PRKCG: variants seen among roughly 807,000 people sequenced by gnomAD.
PRKCG encodes protein kinase C gamma type.
In PRKCG, 28 loss-of-function variants were observed where a neutral mutation model predicts 82.0. That is an observed-to-expected ratio of 0.34 (90% CI 0.25 to 0.47). The LOEUF (loss-of-function observed/expected upper bound fraction) is 0.47. Ranked by LOEUF, PRKCG falls within the 20% of genes least tolerant of loss-of-function variation. The probability of loss-of-function intolerance (pLI) is 1.00; values close to 1 mark genes in which losing one functional copy is unlikely to be tolerated. For synonymous variants in PRKCG, 383 were observed against 376.6 expected (o/e 1.02, Z -0.20); for missense variants, 640 against 952.7 (o/e 0.67, Z 4.32).
Position 53,884,136 on chromosome 19 carries a change from G to A in PRKCG, c.203-25G>A. 1.2e-6 allele frequency: 2 copies of A among 1,612,382 alleles called. No homozygotes were observed. Among genetic ancestry groups the A allele is most frequent in the Non-Finnish European group, 1.7e-6 (2 of 1,178,566 alleles). On this transcript the variant is annotated intron_variant, in intron 2 of 17. Coordinates refer to ENST00000263431, the MANE Select transcript of PRKCG (RefSeq NM_002739.5). This position sits in a 1 kb window ranked among gnomAD's most constrained non-coding sequence, Gnocchi z 4.6. ...GCTGGACTAATCCATGCCTCCGTCT[G>A]TGTCTCTATGATTTTCATCTATAGT... is the stretch of plus-strand genomic sequence containing the variant.
chr19:53,894,137 C>G (rs1034058431), intron 9 of PRKCG, among the ~76,000 whole-genome samples: 1 of 152,142 alleles, frequency 6.6e-6, no homozygotes, highest in South Asian at 2.1e-4. Flanking sequence ...GCGATCTCGG[C>G]TCACTGCAAG....
At chr19:53,891,250 T>A (rs543930285) in intron 5 of PRKCG, among the ~76,000 whole-genome samples, 1 of 151,082 alleles carries the variant, frequency 6.6e-6, no homozygotes, top group African/African-American at 2.4e-5. Flanking sequence ...TAAGAAGTCA[T>A]GAGAAACGAG....
intron 9 of PRKCG, among the ~76,000 whole-genome samples, chr19:53,897,628 C>T (rs2068726874): frequency 6.6e-6 from 1 of 151,756 alleles, no homozygotes; most frequent in South Asian, 2.1e-4. Context: ...TGCTGTGTGA[C>T]TTGGGGCAAG....
chr19:53,893,005 A>C lies in PRKCG; in HGVS notation c.839A>C (p.Gln280Pro). ...TATGTCAGGTACAAGTTACTGAACC[A>C]GGAGGAGGGCGAGTATTACAATGTG... ...PVDGWYKLLNQEEGEYYNVPV... is the reference protein window; with the variant it reads ...PVDGWYKLLNPEEGEYYNVPV... Residue 280 changes from glutamine to proline, a missense_variant, in exon 8 of 18, where the codon CAG (glutamine) becomes CCG (proline). Gln to Pro is a moderately conservative substitution (Grantham distance 76). Around this residue, in one of 7 missense-constraint regions of PRKCG, gnomAD observed 261 missense variants for 312.1 expected, o/e 0.84. Transcript: ENST00000263431. 6.2e-7 allele frequency: 1 copy of C among 1,614,094 alleles called. No homozygotes were observed.
rs766457241 is a variant in PRKCG, at chr19:53,904,972, T to A, written c.1764+230T>A. Among the ~76,000 whole-genome samples, 16 of 152,270 alleles carry A rather than the reference T, an allele frequency of 1.1e-4. No individual in the cohort carries two copies. In the South Asian group the frequency reaches 1.5e-3, roughly 14 times the overall value. On this transcript the variant is annotated intron_variant, in intron 16 of 17. Coordinates refer to ENST00000263431, the MANE Select transcript of PRKCG (RefSeq NM_002739.5). ...TTCTCTGTGACTCCCACTCCCCAGC[T>A]CCCTGCTTGCAGGAAGTGCTGAAAG...
chr19:53,898,639 AG>A lies in PRKCG; in HGVS notation c.1281+16del, dbSNP rs1329839916. On this transcript the variant is annotated intron_variant, in intron 11 of 17. Transcript: ENST00000263431. ...ACCTTCCAGACCCCGGTAAGGATGG[AG>A]GGGGCGGAGGCTGTCCTCCGGGCCC... 1 of 1,561,736 alleles carries A rather than the reference AG, an allele frequency of 6.4e-7. No individual in the cohort carries two copies. The highest frequency in any genetic ancestry group is 1.2e-5 in the South Asian group (1 of 86,128).
intron 9 of PRKCG, among the ~76,000 whole-genome samples, chr19:53,897,081 A>G (rs985082410): frequency 2.0e-5 from 3 of 152,200 alleles, no homozygotes; most frequent in Admixed American, 6.5e-5. Flanking sequence ...GTGTCAGGCC[A>G]GGGTGGCTGG....
rs1189819095 is a variant in PRKCG, at chr19:53,882,342, C to T, written c.-153C>T. 8.6e-7 allele frequency: 1 copy of T among 1,160,560 alleles called. No individual in the cohort carries two copies. Among genetic ancestry groups the T allele is most frequent in the Non-Finnish European group, 1.2e-6 (1 of 819,260 alleles). The allele number at this position is 1,160,560 out of a possible 1,614,324, so 71.9% of individuals were successfully genotyped here. A position where few individuals can be genotyped will look rare whatever the true frequency, so the allele number is the denominator to read the frequency against. On this transcript the variant is annotated 5_prime_UTR_variant, in exon 1 of 18. Transcript: ENST00000263431. This position sits in a 1 kb window ranked among gnomAD's most constrained non-coding sequence, Gnocchi z 6.1. The stretch of plus-strand genomic sequence containing the variant: ...GCCCGGGGTGCCGCTCCCTGCCTGG[C>T]GCGCTCCGCACCTGGAGGTGCCTTG...
chr19:53,898,374 G>C (rs1201553998), intron 10 of PRKCG, 66 bp from the exon 11 acceptor site: 3 of 1,587,610 alleles, frequency 1.9e-6, no homozygotes, highest in Admixed American at 1.7e-5. Flanking sequence ...GTCCCTTAGG[G>C]AGGGGGCAGG....
chr19:53,887,697 G>T (rs78393524), intron 3 of PRKCG, among the ~76,000 whole-genome samples: 4,996 of 150,640 alleles, frequency 0.033, 252 homozygotes, highest in African/African-American at 0.11. Context: ...AGGCACGGTG[G>T]CACGCGCCTG....
Position 53,882,679 on chromosome 19 carries a change from C to A in PRKCG, c.170+15C>A. The A allele has an allele frequency of 1.6e-6, 2 of 1,237,806 alleles. 1 individual carries two copies. Among genetic ancestry groups the A allele is most frequent in the East Asian group, 5.7e-5 (2 of 34,934 alleles). The allele number at this position is 1,237,806 out of a possible 1,614,324, so 76.7% of individuals were successfully genotyped here. A position where few individuals can be genotyped will look rare whatever the true frequency, so the allele number is the denominator to read the frequency against. Reference sequence around the variant, plus strand: ...GACTTCATCTGGTGAGGGAAGGGGGCTGGGGGACTGGGGGACGAGGGGACT... The same window carrying A: ...GACTTCATCTGGTGAGGGAAGGGGGATGGGGGACTGGGGGACGAGGGGACT... On this transcript the variant is annotated intron_variant, in intron 1 of 17. Coordinates refer to ENST00000263431, the MANE Select transcript of PRKCG (RefSeq NM_002739.5). The surrounding 1 kb of genome is among the most constrained non-coding windows in gnomAD (Gnocchi z 6.1).
intron 17 of PRKCG, 107 bp from the exon 18 acceptor site, chr19:53,906,600 A>C (rs776597254): frequency 8.0e-5 from 124 of 1,551,610 alleles, no homozygotes; most frequent in Non-Finnish European, 9.4e-5. Context: ...ACCATGAAGC[A>C]TGAATAGAGA....
rs1469085444 is a variant in PRKCG at position 53,907,164 on chromosome 19, T to C, written c.*269T>C. 10 of 666,522 alleles carry C rather than the reference T, an allele frequency of 1.5e-5. No individual in the cohort carries two copies. The East Asian group carries it at 2.7e-4, about 18-fold the overall frequency. The allele number at this position is 666,522 out of a possible 1,614,324, so 41.3% of individuals were successfully genotyped here. ...CGTTCTGGACTCTGCCCCAATCGGG[T>C]CCAGAGACCACACCACTAACCATCC... On this transcript the variant is annotated 3_prime_UTR_variant, in exon 18 of 18. Transcript: ENST00000263431.
intron 6 of PRKCG, 152 bp downstream of exon 6, chr19:53,891,982 T>C (rs977340746): frequency 3.8e-6 from 4 of 1,041,702 alleles, no homozygotes; most frequent in African/African-American, 3.2e-5. Flanking sequence ...AATAGAGTGA[T>C]TGAGGGAGTG....
intron 3 of PRKCG, among the ~76,000 whole-genome samples, chr19:53,885,268 G>T (rs1254734301): frequency 6.6e-6 from 1 of 151,984 alleles, no homozygotes; most frequent in Non-Finnish European, 1.5e-5. Flanking sequence ...GCGCTCTGTT[G>T]CCCAAGCTGG....
rs1473266776 is a variant in PRKCG at position 53,892,785 on chromosome 19, C to T, written c.821+142C>T. The T allele has an allele frequency of 7.4e-5, 85 of 1,143,050 alleles. No homozygotes were observed. The highest frequency in any genetic ancestry group is 1.0e-4 in the Non-Finnish European group (81 of 804,556). 70.8% of individuals were successfully genotyped at this position (1,143,050 alleles called of 1,614,324 possible). The stretch of plus-strand genomic sequence containing the variant: ...ACACACACACACACACACACACGCA[C>T]ACACACGCACACACCCCTCTCTCTC... On this transcript the variant is annotated intron_variant, in intron 7 of 17. Coordinates refer to ENST00000263431, the MANE Select transcript of PRKCG (RefSeq NM_002739.5). The surrounding 1 kb of genome is among the most constrained non-coding windows in gnomAD (Gnocchi z 5.9).
chr19:53,882,534 G>A lies in PRKCG; in HGVS notation c.40G>A (p.Gly14Arg). ...CCCCGGCGTAGGCGATTCAGAGGGGGGACCCCGGCCCCTGTTTTGCAGAAA... is the reference window on the plus strand; with the variant it reads ...CCCCGGCGTAGGCGATTCAGAGGGGAGACCCCGGCCCCTGTTTTGCAGAAA... ...LGPGVGDSEG[G>R]PRPLFCRKGA... Residue 14 changes from glycine (G) to arginine (R), a missense_variant, in exon 1 of 18, where the codon GGA becomes AGA. Gly to Arg is a moderately radical substitution (Grantham distance 125, BLOSUM62 -2). Transcript: ENST00000263431. The surrounding 1 kb of genome is among the most constrained non-coding windows in gnomAD (Gnocchi z 6.1). The A allele has an allele frequency of 1.2e-6, 2 of 1,614,202 alleles. No homozygotes were observed. The highest frequency in any genetic ancestry group is 1.1e-5 in the South Asian group (1 of 91,086).
At chr19:53,906,066 CCTCCTCCTCCTCCTCCTCCTT>C (rs1265563255) in intron 16 of PRKCG, among the ~76,000 whole-genome samples, 1 of 57,228 alleles carries the variant, frequency 1.7e-5, no homozygotes, top group Admixed American at 1.5e-4. Context: ...TCCTCCTCCT[CCTCCTCCTCCTCCTCCTCCTT>C]CTTCTTCTTC....
rs2068756479 is a variant in PRKCG, at chr19:53,900,614, C to T, written c.1440C>T (p.Asp480=). 6.2e-7 allele frequency: 1 copy of T among 1,614,112 alleles called. No individual in the cohort carries two copies. The highest frequency in any genetic ancestry group is 1.7e-5 in the Admixed American group (1 of 60,008). ...CCCACACCCCTGCATCGTCCAGGGA[C>T]CTGAAGCTGGACAATGTGATGCTGG... ...FLHNQGIIYR[D]LKLDNVMLDA... The change falls in exon 14 of 18, where the codon GAC becomes GAT. Residue 480 remains aspartate, a synonymous_variant. Coordinates refer to ENST00000263431, the MANE Select transcript of PRKCG (RefSeq NM_002739.5). The surrounding 1 kb of genome is among the most constrained non-coding windows in gnomAD (Gnocchi z 4.2).
Sources: gnomAD v4.1 joint callset for allele counts (sites outside exome capture counted in the v4.1 genomes callset) on GRCh38, gnomAD v4.1.1 for gene constraint, gnomAD v4.1.1 regional missense constraint, Gnocchi (gnomAD v3.1) non-coding constraint, MANE v1.5 for transcripts, NCBI Gene and HGNC (gene_info 2026-07-23, HGNC 2026-07-21) for gene names.